The following MECR variants were observed in gnomAD, a reference collection of about 807,000 sequenced individuals.
MECR encodes the protein mitochondrial trans-2-enoyl-CoA reductase.
MECR carries 37 observed loss-of-function variants against 49.1 expected under a neutral mutation model. That is an observed-to-expected ratio of 0.75 (90% CI 0.58 to 0.99). The LOEUF is 0.99. Among genes scored for constraint, MECR ranks in the 50% least tolerant of loss-of-function variants. MECR has a pLI of 0.00. For synonymous variants in MECR, 198 were observed against 191.1 expected, an observed-to-expected ratio of 1.04 and a Z score of -0.30; for missense variants, 470 against 479.6, an observed-to-expected ratio of 0.98 and a Z score of 0.19.
chr1:29,223,031 TA>T, intron 1 of MECR: 1 of 953,776 alleles, frequency 1.0e-6, no homozygotes, highest in Non-Finnish European at 1.2e-6. Flanking sequence ...CCCTGTTCTT[TA>T]AAAAAACAAA....
chr1:29,184,432 C>T, the MECR span, among the ~76,000 whole-genome samples: 16 of 152,138 alleles, frequency 1.1e-4, no homozygotes, highest in Admixed American at 3.9e-4. Context: ...CGTGAGCCAC[C>T]GCGCCCGGCA....
At chr1:29,226,595 T>A (rs2151919962) in intron 1 of MECR, among the ~76,000 whole-genome samples, 1 of 152,316 alleles carries the variant, frequency 6.6e-6, no homozygotes, top group South Asian at 2.1e-4. Context: ...TTAAAAAAGT[T>A]TATTTGAAGA....
chr1:29,207,356 G>A (rs1295235214), intron 3 of MECR, among the ~76,000 whole-genome samples: 2 of 152,092 alleles, frequency 1.3e-5, no homozygotes, highest in African/African-American at 2.4e-5. Context: ...CCGGTCTCAG[G>A]TGATTCGCCT....
At chr1:29,203,768 T>G (rs759410157) in intron 4 of MECR, among the ~76,000 whole-genome samples, 5 of 152,236 alleles carry the variant, frequency 3.3e-5, no homozygotes, top group Non-Finnish European at 5.9e-5. Flanking sequence ...TAGGTCCATT[T>G]CTATCAACAG....
At chr1:29,168,759 A>C in the MECR span, 1 of 152,256 alleles carries the variant, frequency 6.6e-6, no homozygotes, top group Non-Finnish European at 1.5e-5. Context: ...AGCATAAAGA[A>C]GATGAAGACT....
chr1:29,210,404 T>A (rs1677696571), intron 3 of MECR, among the ~76,000 whole-genome samples: 1 of 152,194 alleles, frequency 6.6e-6, no homozygotes, highest in Admixed American at 6.5e-5. Flanking sequence ...TCCTCTGTAA[T>A]CCAGGAAGTG....
intron 4 of MECR, among the ~76,000 whole-genome samples, chr1:29,203,935 T>C (rs1675936077): frequency 6.6e-6 from 1 of 152,180 alleles, no homozygotes. Flanking sequence ...AGGTTTAGCT[T>C]TGGACCTGGC....
At chr1:29,223,342 C>T (rs1031633889) in intron 1 of MECR, 1 of 957,108 alleles carries the variant, frequency 1.0e-6, no homozygotes, top group Admixed American at 6.2e-5. Context: ...GAGGCCAGTA[C>T]CCTGGGGACT....
intron 7 of MECR, among the ~76,000 whole-genome samples, chr1:29,197,101 C>T (rs114104013): frequency 7.6e-4 from 115 of 152,296 alleles, no homozygotes; most frequent in Admixed American, 1.6e-3. Context: ...CACACACACC[C>T]GCTCTGGATG....
chr1:29,193,902 T>C lies in MECR; in HGVS notation c.*120A>G. On this transcript the variant is annotated 3_prime_UTR_variant, in exon 10 of 10. Coordinates refer to ENST00000263702, the MANE Select transcript of MECR (RefSeq NM_016011.5). Reference sequence around the variant, plus strand: ...GTGGCTGGCTTCACCATCCTCCTAATAGGAAGAGGCAGTGAGGAGAACAGT... The same window carrying C: ...GTGGCTGGCTTCACCATCCTCCTAACAGGAAGAGGCAGTGAGGAGAACAGT... 8.1e-7 allele frequency: 1 copy of C among 1,241,008 alleles called. No homozygotes were observed. Among genetic ancestry groups the C allele is most frequent in the Non-Finnish European group, 1.1e-6 (1 of 889,656 alleles). The allele number at this position is 1,241,008 out of a possible 1,614,324, so 76.9% of individuals were successfully genotyped here.
intron 1 of MECR, chr1:29,220,738 T>C (rs940160339): frequency 1.6e-5 from 4 of 249,126 alleles, no homozygotes; most frequent in East Asian, 1.8e-4. Flanking sequence ...ATCAGCTAGA[T>C]AAACCTCAGA....
intron 1 of MECR, among the ~76,000 whole-genome samples, chr1:29,222,198 A>T (rs890763752): frequency 6.6e-6 from 1 of 152,114 alleles, no homozygotes. Flanking sequence ...GGTTCAAGGA[A>T]TTCTCCTGCC....
the MECR span, among the ~76,000 whole-genome samples, chr1:29,174,163 C>A: frequency 6.8e-6 from 1 of 147,104 alleles, no homozygotes; most frequent in Non-Finnish European, 1.5e-5. Context: ...CACTGCACTG[C>A]AGCCTGGGAG....
At chr1:29,206,942 A>C in intron 3 of MECR, 37 bp from the exon 4 acceptor site, 1 of 1,611,506 alleles carries the variant, frequency 6.2e-7, no homozygotes, top group Admixed American at 1.7e-5. Flanking sequence ...ATAAGGAAGG[A>C]GCCCTGTGCA....
At chr1:29,206,002 G>A (rs1364406114) in intron 4 of MECR, among the ~76,000 whole-genome samples, 1 of 152,162 alleles carries the variant, frequency 6.6e-6, no homozygotes, top group Non-Finnish European at 1.5e-5. Context: ...ACTTGGCTCT[G>A]TCATTTACTC....
At chr1:29,190,671 C>G (rs1447456199), downstream of MECR, among the ~76,000 whole-genome samples, 2 of 151,872 alleles carry the variant, frequency 1.3e-5, no homozygotes, top group Non-Finnish European at 2.9e-5. Flanking sequence ...GGCAGGTAAT[C>G]CCAGCTACTC....
chr1:29,227,403 T>A (rs769561474), intron 1 of MECR, among the ~76,000 whole-genome samples: 1 of 152,212 alleles, frequency 6.6e-6, no homozygotes, highest in Non-Finnish European at 1.5e-5. Context: ...TTTAATCTTT[T>A]AAATAAAAAA....
chr1:29,194,330 G>C, intron 9 of MECR, 151 bp from the exon 10 acceptor site: 1 of 832,952 alleles, frequency 1.2e-6, no homozygotes, highest in Non-Finnish European at 1.8e-6. Context: ...GGCTGTGGAG[G>C]CAGCCTGGTC....
chr1:29,218,468 C>G (rs972139712), intron 1 of MECR, among the ~76,000 whole-genome samples: 1 of 152,250 alleles, frequency 6.6e-6, no homozygotes, highest in African/African-American at 2.4e-5. Context: ...TAGCATTAGG[C>G]AACAGTATCA....
Sources: gnomAD v4.1 joint callset for allele counts (sites outside exome capture counted in the v4.1 genomes callset) on GRCh38, gnomAD v4.1.1 for gene constraint, MANE v1.5 for transcripts, NCBI Gene and HGNC (gene_info 2026-07-23, HGNC 2026-07-21) for gene names.